ADAM23: variants seen among roughly 807,000 people sequenced by gnomAD.
The protein encoded by ADAM23 is disintegrin and metalloproteinase domain-containing protein 23.
In ADAM23, 33 loss-of-function variants were observed where a neutral mutation model predicts 120.1. The observed-to-expected ratio is 0.27, with a 90% CI of 0.21 to 0.37. ADAM23 has a LOEUF of 0.37. ADAM23 is among the 10% of genes least tolerant of loss of function. ADAM23 has a pLI of 1.00. For synonymous variants in ADAM23, 367 were observed against 375.2 expected, an observed-to-expected ratio of 0.98 and a Z score of 0.25; for missense variants, 862 against 1,058.2, an observed-to-expected ratio of 0.81 and a Z score of 2.57.
At position 206,541,970 on chromosome 2, in the gene ADAM23, ATTTCTTTTTGCT is replaced by A. The variant is rs995086915; in HGVS notation, c.574-79_574-68del. 6.7e-5 allele frequency: 94 copies of A among 1,407,192 alleles called. No individual in the cohort carries two copies. In the African/African-American group the frequency reaches 1.2e-3, roughly 18 times the overall value. 87.2% of individuals were successfully genotyped at this position (1,407,192 alleles called of 1,614,324 possible). A position where few individuals can be genotyped will look rare whatever the true frequency, so the allele number is the denominator to read the frequency against. On this transcript the variant is annotated intron_variant, in intron 4 of 25. Coordinates refer to ENST00000264377, the MANE Select transcript of ADAM23 (RefSeq NM_003812.4). Reference sequence around the variant, plus strand: ...AGTGCACATATATGCCCATCCTTGCATTTCTTTTTGCTTTATGGAAGCACCCAAAGAATTAAT... The same window carrying A: ...AGTGCACATATATGCCCATCCTTGCATTATGGAAGCACCCAAAGAATTAAT...
chr2:206,545,280 G>A (rs535586094), intron 6 of ADAM23, among the ~76,000 whole-genome samples: 6 of 152,106 alleles, frequency 3.9e-5, no homozygotes, highest in Admixed American at 1.3e-4. Context: ...GAGGTCAGGA[G>A]TTTGAGACCA....
At chr2:206,468,277 G>A (rs570944523) in intron 2 of ADAM23, among the ~76,000 whole-genome samples, 1 of 151,942 alleles carries the variant, frequency 6.6e-6, no homozygotes, top group African/African-American at 2.4e-5. Flanking sequence ...AAACTTTTAT[G>A]TTCTGCCTCC....
At chr2:206,461,725 A>C (rs2105859999) in intron 2 of ADAM23, among the ~76,000 whole-genome samples, 1 of 152,316 alleles carries the variant, frequency 6.6e-6, no homozygotes, top group South Asian at 2.1e-4. Context: ...ATCCTCCAGT[A>C]AAAGGCATTT....
At chr2:206,526,141 T>TACACACACACACAC (rs59684611) in intron 3 of ADAM23, among the ~76,000 whole-genome samples, 3 of 145,680 alleles carry the variant, frequency 2.1e-5, no homozygotes, top group Admixed American at 1.4e-4. Context: ...TTCCAACAAA[T>TACACACACACACAC]ACACACACAC....
intron 13 of ADAM23, 99 bp from the exon 14 acceptor site, chr2:206,564,921 G>C: frequency 1.6e-6 from 2 of 1,268,714 alleles, no homozygotes; most frequent in Non-Finnish European, 2.3e-6. Context: ...ACATGGAATT[G>C]GTAATAAAGA....
rs369828404 is a variant in ADAM23 at position 206,596,027 on chromosome 2, A to C, written c.2248-24A>C. 10 of 1,566,650 alleles carry C rather than the reference A, an allele frequency of 6.4e-6. No homozygotes were observed. In the East Asian group the frequency reaches 2.2e-4, roughly 35 times the overall value. Reference sequence around the variant, plus strand: ...TTCTACAAAATACAGTGAAAATGCCATATCTGTTCCTTTTTCTTCACAGGT... The same window carrying C: ...TTCTACAAAATACAGTGAAAATGCCCTATCTGTTCCTTTTTCTTCACAGGT... On this transcript the variant is annotated intron_variant, in intron 23 of 25. Transcript: ENST00000264377.
intron 3 of ADAM23, among the ~76,000 whole-genome samples, chr2:206,488,428 C>G (rs1380895290): frequency 6.6e-6 from 1 of 152,112 alleles, no homozygotes; most frequent in Non-Finnish European, 1.5e-5. Flanking sequence ...AGGAGGCTGC[C>G]TTGGTTTTGG....
intron 3 of ADAM23, among the ~76,000 whole-genome samples, chr2:206,504,339 A>G (rs757437353): frequency 6.6e-6 from 1 of 152,138 alleles, no homozygotes; most frequent in African/African-American, 2.4e-5. Flanking sequence ...GCCCTGAGTG[A>G]ACCTGTTGTA....
intron 4 of ADAM23, among the ~76,000 whole-genome samples, chr2:206,534,339 A>T (rs1697130024): frequency 6.6e-6 from 1 of 152,216 alleles, no homozygotes; most frequent in African/African-American, 2.4e-5. Flanking sequence ...AATAGAAATT[A>T]CATATATTTA....
chr2:206,517,661 AT>A (rs1696763002), intron 3 of ADAM23, among the ~76,000 whole-genome samples: 1 of 151,838 alleles, frequency 6.6e-6, no homozygotes, highest in Non-Finnish European at 1.5e-5. Flanking sequence ...AAGCTTCTGG[AT>A]TTTTCCTGGA....
intron 3 of ADAM23, among the ~76,000 whole-genome samples, chr2:206,521,534 GAAAATA>G (rs1559246143): frequency 1.3e-5 from 2 of 152,066 alleles, no homozygotes; most frequent in African/African-American, 4.8e-5. Context: ...GCAAAAGAAA[GAAAATA>G]AAAACTCTTG....
intron 2 of ADAM23, among the ~76,000 whole-genome samples, chr2:206,460,551 C>T (rs1695394784): frequency 6.6e-6 from 1 of 151,784 alleles, no homozygotes; most frequent in Non-Finnish European, 1.5e-5. Flanking sequence ...TCTTTCAATT[C>T]TTCGCTCATT....
At chr2:206,548,623 G>A (rs1392908933) in intron 8 of ADAM23, among the ~76,000 whole-genome samples, 2 of 152,106 alleles carry the variant, frequency 1.3e-5, no homozygotes, top group Non-Finnish European at 2.9e-5. Context: ...TGTTTTCTAC[G>A]TGTTTTCTGA....
intron 3 of ADAM23, among the ~76,000 whole-genome samples, chr2:206,516,546 CTTCTTGCTGT>C (rs1323686827): frequency 2.6e-5 from 4 of 152,008 alleles, no homozygotes. Context: ...GACAAGCCAC[CTTCTTGCTGT>C]GTCTTCATAT....
intron 2 of ADAM23, among the ~76,000 whole-genome samples, chr2:206,454,192 G>T (rs368864527): frequency 6.6e-6 from 1 of 152,120 alleles, no homozygotes; most frequent in South Asian, 2.1e-4. Flanking sequence ...TCCACAGGTC[G>T]TACTGGAAGC....
chr2:206,472,386 G>A (rs1259811946), intron 2 of ADAM23, among the ~76,000 whole-genome samples: 2 of 152,002 alleles, frequency 1.3e-5, no homozygotes, highest in Non-Finnish European at 1.5e-5. Context: ...GAGGTGGGTG[G>A]ATCACTTGAG....
At chr2:206,562,605 G>C (rs990597814) in intron 13 of ADAM23, among the ~76,000 whole-genome samples, 3 of 152,206 alleles carry the variant, frequency 2.0e-5, no homozygotes, top group African/African-American at 7.2e-5. Flanking sequence ...CAGCTGAGCA[G>C]ACGTACAAGG....
chr2:206,548,400 A>T, intron 8 of ADAM23, 46 bp downstream of exon 8: 1 of 1,556,480 alleles, frequency 6.4e-7, no homozygotes. Flanking sequence ...TACTCAATGA[A>T]GTCATGTGCC....
At chr2:206,504,481 C>A (rs1335633123) in intron 3 of ADAM23, among the ~76,000 whole-genome samples, 1 of 152,072 alleles carries the variant, frequency 6.6e-6, no homozygotes, top group Non-Finnish European at 1.5e-5. Flanking sequence ...TCTTCTCTGG[C>A]CAAGTGTAAG....
Sources: allele counts gnomAD v4.1 joint callset (sites outside exome capture counted in the v4.1 genomes callset), GRCh38; gene constraint gnomAD v4.1.1; transcripts MANE v1.5; gene names NCBI Gene and HGNC (gene_info 2026-07-23, HGNC 2026-07-21).